Variants in PITPNM1 observed in about 807,000 individuals in gnomAD.
The protein encoded by PITPNM1 is phosphatidylinositol transfer protein membrane associated 1, also known as membrane-associated phosphatidylinositol transfer protein 1.
In PITPNM1, 74 loss-of-function variants were observed where a neutral mutation model predicts 133.3. The ratio of observed to expected loss-of-function variants is 0.56; its 90% CI spans 0.46 to 0.67. PITPNM1 has a LOEUF of 0.67. PITPNM1 is among the 30% of genes least tolerant of loss of function. The probability of loss-of-function intolerance (pLI) is 0.00; values close to 1 mark genes in which losing one functional copy is unlikely to be tolerated. For missense variants in PITPNM1, 1,398 were observed against 1,739.5 expected, an observed-to-expected ratio of 0.80 and a Z score of 3.49; for synonymous variants, 738 against 741.4, an observed-to-expected ratio of 1.00 and a Z score of 0.08.
Position 67,496,291 on chromosome 11 carries a change from G to A in PITPNM1, c.2204C>T (p.Pro735Leu). 2 of 1,579,858 alleles carry A rather than the reference G, an allele frequency of 1.3e-6. No individual in the cohort carries two copies. The highest frequency in any genetic ancestry group is 1.9e-5 in the Admixed American group (1 of 53,318). The change falls in exon 15 of 24, where the codon CCC becomes CTC. Residue 735 changes from proline (P) to leucine (L), a missense_variant. This residue lies in a region of PITPNM1 where 574 missense variants were observed against 698.7 expected (regional missense o/e 0.82). Transcript: ENST00000356404. Reference protein sequence around the residue: ...QIYNLFHAADPCASRLEPLLA... With the variant: ...QIYNLFHAADLCASRLEPLLA... The stretch of plus-strand genomic sequence containing the variant: ...CAGGGGCTCGAGGCGTGAGGCGCAG[G>A]GGTCAGCCGCGTGGAAGAGGTTGTA...
chr11:67,496,624 A>AC (rs1451724190), intron 14 of PITPNM1: 1 of 434,796 alleles, frequency 2.3e-6, no homozygotes, highest in African/African-American at 2.1e-5. Flanking sequence ...ACATGGTGAA[A>AC]CCCCGTCTCC....
chr11:67,494,077 G>A lies in PITPNM1; in HGVS notation c.2860-7C>T. On this transcript the variant is annotated splice_region_variant and splice_polypyrimidine_tract_variant and intron_variant, in intron 19 of 23. Coordinates refer to ENST00000356404, the MANE Select transcript of PITPNM1 (RefSeq NM_004910.3). ...TCATGATGTAGACATCCACCTGGAG[G>A]GGAGAAGGGGCGGGAGGTAAATGGG... 2 of 1,602,404 alleles carry A rather than the reference G, an allele frequency of 1.2e-6. No homozygotes were observed. Among genetic ancestry groups the A allele is most frequent in the Non-Finnish European group, 8.5e-7 (1 of 1,173,314 alleles).
In PITPNM1 at chr11:67,498,732, G is replaced by T; in HGVS notation, c.1348C>A (p.Gln450Lys). Residue 450 changes from glutamine (Q) to lysine (K), a missense_variant, in exon 10 of 24, where the codon CAG (glutamine) becomes AAG (lysine). Coordinates refer to ENST00000356404, the MANE Select transcript of PITPNM1 (RefSeq NM_004910.3). This position sits in a 1 kb window ranked among gnomAD's most constrained non-coding sequence, Gnocchi z 5.7. The part of the protein sequence containing the change: ...DSGPGDANSK[Q>K]ADVQTLSSAF... ...GAGCTCAGCGTCTGCACATCCGCCT[G>T]CTTGGAGTTGGCGTCTCCAGGGCCT... 6.2e-7 allele frequency: 1 copy of T among 1,610,430 alleles called. No homozygotes were observed.
rs977324339 is a variant in PITPNM1, at chr11:67,498,724, A to T, written c.1356T>A (p.Asp452Glu). 2 of 1,609,624 alleles carry T rather than the reference A, an allele frequency of 1.2e-6. No homozygotes were observed. The highest frequency in any genetic ancestry group is 1.7e-6 in the Non-Finnish European group (2 of 1,179,992). The change falls in exon 10 of 24, where the codon GAT becomes GAA. Residue 452 changes from aspartate (D) to glutamate (E), a missense_variant. Physicochemically the swap from Asp to Glu is conservative, Grantham distance 45. This residue lies in a region of PITPNM1 where 574 missense variants were observed against 698.7 expected (regional missense o/e 0.82). Transcript: ENST00000356404. The surrounding 1 kb of genome is among the most constrained non-coding windows in gnomAD (Gnocchi z 5.7). ...GPGDANSKQA[D>E]VQTLSSAFEA... The stretch of plus-strand genomic sequence containing the variant: ...CGAAGGCGGAGCTCAGCGTCTGCAC[A>T]TCCGCCTGCTTGGAGTTGGCGTCTC...
rs1435260817 is a variant in PITPNM1 at position 67,504,633 on chromosome 11, G to C, written c.-41-412C>G. The C allele has an allele frequency of 6.6e-6, 1 of 152,152 alleles. No homozygotes were observed. Among genetic ancestry groups the C allele is most frequent in the Non-Finnish European group, 1.5e-5 (1 of 68,024 alleles). 9.4% of individuals were successfully genotyped at this position (152,152 alleles called of 1,614,324 possible). On this transcript the variant is annotated intron_variant, in intron 1 of 23. Coordinates refer to ENST00000356404, the MANE Select transcript of PITPNM1 (RefSeq NM_004910.3). This position sits in a 1 kb window ranked among gnomAD's most constrained non-coding sequence, Gnocchi z 5.4. ...CCGCCTTCCGCGACCGGCCCCTCGG[G>C]GACCCGCCCCTTGCATCCCCTTCCC...
In PITPNM1 at chr11:67,496,169, G is replaced by C; in HGVS notation, c.2317+9C>G. The C allele has an allele frequency of 6.6e-7, 1 of 1,508,108 alleles. No individual in the cohort carries two copies. The highest frequency in any genetic ancestry group is 1.7e-4 in the Middle Eastern group (1 of 5,738). 93.4% of individuals were successfully genotyped at this position (1,508,108 alleles called of 1,614,324 possible). A position where few individuals can be genotyped will look rare whatever the true frequency, so the allele number is the denominator to read the frequency against. ...CTCCTTCTCCCCTTTATCTTGTTTGGGGGCGTACCCAGCAGCAGGGATGAG... is the reference window on the plus strand; with the variant it reads ...CTCCTTCTCCCCTTTATCTTGTTTGCGGGCGTACCCAGCAGCAGGGATGAG... On this transcript the variant is annotated intron_variant, in intron 15 of 23. Transcript: ENST00000356404.
At position 67,493,702 on chromosome 11, in the gene PITPNM1, G is replaced by A. The variant is rs1166661391; in HGVS notation, c.3144C>T (p.Ala1048=). The change falls in exon 21 of 24, where the codon GCC becomes GCT. Residue 1048 remains alanine, a synonymous_variant. Coordinates refer to ENST00000356404, the MANE Select transcript of PITPNM1 (RefSeq NM_004910.3). ...MGSDPKVRAG[A]VDVVRHWQDS... Reference sequence around the variant, plus strand: ...GCAACTCCTACCTGACCACGTCCACGGCGCCAGCTCGCACCTTGGGGTCGC... The same window carrying A: ...GCAACTCCTACCTGACCACGTCCACAGCGCCAGCTCGCACCTTGGGGTCGC... The A allele has an allele frequency of 1.9e-6, 3 of 1,546,680 alleles. No individual in the cohort carries two copies. Among genetic ancestry groups the A allele is most frequent in the East Asian group, 2.4e-5 (1 of 40,938 alleles).
In PITPNM1 at chr11:67,497,271, C is replaced by G. The variant is rs1373973589; in HGVS notation, c.2106G>C (p.Leu702=). 2.5e-6 allele frequency: 4 copies of G among 1,612,096 alleles called. No homozygotes were observed. Among genetic ancestry groups the G allele is most frequent in the Non-Finnish European group, 3.4e-6 (4 of 1,179,470 alleles). The part of the protein sequence containing the change: ...GFFLFGSPLG[L]VLALRKTVMP... ...TCACAGTTTTGCGCAGAGCCAGCAC[C>G]AGGCCCAGTGGGGAGCCGAAGAGGA... The change falls in exon 14 of 24, where the codon CTG becomes CTC. Residue 702 remains leucine, a synonymous_variant. Coordinates refer to ENST00000356404, the MANE Select transcript of PITPNM1 (RefSeq NM_004910.3).
Position 67,498,821 on chromosome 11 carries a change from C to T in PITPNM1, c.1259G>A (p.Gly420Glu), listed in dbSNP as rs200367071. 6.6e-5 allele frequency: 107 copies of T among 1,610,930 alleles called. No individual in the cohort carries two copies. The Admixed American group carries it at 1.4e-3, about 20-fold the overall frequency. Residue 420 changes from glycine to glutamate, a missense_variant, in exon 10 of 24, where the codon GGG becomes GAG. Physicochemically the swap from Gly to Glu is moderately conservative, Grantham distance 98 (BLOSUM62 -2). Transcript: ENST00000356404. The surrounding 1 kb of genome is among the most constrained non-coding windows in gnomAD (Gnocchi z 5.7). ...GGCGTGGACTGCGCATGCCTCAGCC[C>T]CCAGCTCCCCGGCTCCATCCAGGCC... ...SEGLDGAGEL[G>E]AEACAVHALF...
rs1201579924 is a variant in PITPNM1 at position 67,500,139 on chromosome 11, T to G, written c.923A>C (p.Gln308Pro). The G allele has an allele frequency of 6.3e-6, 10 of 1,593,406 alleles. No individual in the cohort carries two copies. Among genetic ancestry groups the G allele is most frequent in the Non-Finnish European group, 8.6e-6 (10 of 1,168,832 alleles). ...GGAGGAACGGGAGGATGAGGACCAC[T>G]GCTTCCCAAAGCTGGCATCGGGGGA... ...DASPDASFGK[Q>P]WSSSSRSSYS... The change falls in exon 6 of 24, where the codon CAG (glutamine) becomes CCG (proline). Residue 308 changes from glutamine (Q) to proline (P), a missense_variant. Physicochemically the swap from Gln to Pro is moderately conservative, Grantham distance 76. Around this residue, in one of 5 missense-constraint regions of PITPNM1, gnomAD observed 195 missense variants for 178.8 expected, o/e 1.09. Transcript: ENST00000356404.
intron 22 of PITPNM1, 126 bp from the exon 23 acceptor site, chr11:67,493,188 A>T: frequency 2.4e-6 from 3 of 1,235,636 alleles, no homozygotes; most frequent in Non-Finnish European, 3.5e-6. Flanking sequence ...GACAGGTCCC[A>T]GTCCCACGGG....
chr11:67,502,567 AGCAGT>A lies in PITPNM1; in HGVS notation c.225_229del (p.Leu76AlafsTer33). On this transcript the variant is annotated frameshift_variant, in exon 3 of 24. Transcript: ENST00000356404. LOFTEE classifies it high-confidence loss of function. The surrounding 1 kb of genome is among the most constrained non-coding windows in gnomAD (Gnocchi z 5.9). ...TTCTACCTGCAGGGCAGCCTTGGGCAGCAGTGCCCGGAACCAGCCTGGGATGTGGG... is the reference window on the plus strand; with the variant it reads ...TTCTACCTGCAGGGCAGCCTTGGGCAGCCCGGAACCAGCCTGGGATGTGGG... 1.2e-6 allele frequency: 2 copies of A among 1,613,700 alleles called. No individual in the cohort carries two copies. Among genetic ancestry groups the A allele is most frequent in the Non-Finnish European group, 1.7e-6 (2 of 1,179,998 alleles).
intron 20 of PITPNM1, 26 bp from the exon 21 acceptor site, chr11:67,493,863 G>GTGGCGCGGGGCGAGGCC (rs2134272177): frequency 6.5e-7 from 1 of 1,528,098 alleles, no homozygotes; most frequent in Non-Finnish European, 8.8e-7. Flanking sequence ...CGGGGCGTGA[G>GTGGCGCGGGGCGAGGCC]TGGCGCGGGG....
At chr11:67,494,208 C>T in intron 19 of PITPNM1, 36 bp downstream of exon 19, 3 of 1,592,366 alleles carry the variant, frequency 1.9e-6, no homozygotes, top group Non-Finnish European at 2.6e-6. Context: ...GGAGATGGGG[C>T]CATGGGACCA....
At chr11:67,501,323 C>T (rs1866315978) in intron 5 of PITPNM1, among the ~76,000 whole-genome samples, 1 of 152,232 alleles carries the variant, frequency 6.6e-6, no homozygotes, top group Non-Finnish European at 1.5e-5. Context: ...GCTGGTCTCT[C>T]CAACTAGGGA....
In PITPNM1 at chr11:67,495,186, G is replaced by C. The variant is rs772813094; in HGVS notation, c.2522C>G (p.Ser841Trp). 3 of 1,609,052 alleles carry C rather than the reference G, an allele frequency of 1.9e-6. No individual in the cohort carries two copies. Among genetic ancestry groups the C allele is most frequent in the South Asian group, 2.2e-5 (2 of 90,996 alleles). Residue 841 changes from serine to tryptophan, a missense_variant, in exon 17 of 24, where the codon TCG becomes TGG. Physicochemically the swap from Ser to Trp is radical, Grantham distance 177. Transcript: ENST00000356404. ...GGTGAGCGCCTCGGGGCAGTACAGCGAGTAGTCGATCCGCTTGGTCCCCCA... is the reference window on the plus strand; with the variant it reads ...GGTGAGCGCCTCGGGGCAGTACAGCCAGTAGTCGATCCGCTTGGTCCCCCA... ...RWWGTKRIDYSLYCPEALTAF... is the reference protein window; with the variant it reads ...RWWGTKRIDYWLYCPEALTAF...
At chr11:67,494,208 C>A (rs2134274638) in intron 19 of PITPNM1, 36 bp downstream of exon 19, 1 of 1,592,366 alleles carries the variant, frequency 6.3e-7, no homozygotes. Flanking sequence ...GGAGATGGGG[C>A]CATGGGACCA....
chr11:67,506,244 T>A (rs1287570534), upstream of PITPNM1: 1 of 167,594 alleles, frequency 6.0e-6, no homozygotes, highest in Non-Finnish European at 1.3e-5. Flanking sequence ...AGGCCCAGGC[T>A]GCCCACAGCG....
Position 67,504,034 on chromosome 11 carries a change from C to G in PITPNM1, c.78+69G>C. 1 of 1,270,356 alleles carries G rather than the reference C, an allele frequency of 7.9e-7. No individual in the cohort carries two copies. Among genetic ancestry groups the G allele is most frequent in the Non-Finnish European group, 1.1e-6 (1 of 916,968 alleles). 78.7% of individuals were successfully genotyped at this position (1,270,356 alleles called of 1,614,324 possible). On this transcript the variant is annotated intron_variant, in intron 2 of 23. Transcript: ENST00000356404. This position sits in a 1 kb window ranked among gnomAD's most constrained non-coding sequence, Gnocchi z 5.4. ...CCGGGCTCCCAGCCGGTCCCAGCCC[C>G]GGGGCAGGGCTGGCGGGGTCGGCAG...
Sources: allele counts gnomAD v4.1 joint callset (sites outside exome capture counted in the v4.1 genomes callset), GRCh38; gene constraint gnomAD v4.1.1; regional missense constraint gnomAD v4.1.1; non-coding constraint Gnocchi (gnomAD v3.1); transcripts MANE v1.5; gene names NCBI Gene and HGNC (gene_info 2026-07-23, HGNC 2026-07-21).